The following COLEC11 variants were observed in gnomAD, a reference collection of about 807,000 sequenced individuals.
COLEC11 encodes collectin-11.
In COLEC11, 20 loss-of-function variants were observed where a neutral mutation model predicts 27.3. The ratio of observed to expected loss-of-function variants is 0.73; its 90% CI spans 0.51 to 1.06. COLEC11 has a LOEUF of 1.06. Ranked by LOEUF, COLEC11 falls within the 50% of genes least tolerant of loss-of-function variation. The probability of loss-of-function intolerance (pLI) is 0.00; values close to 1 mark genes in which losing one functional copy is unlikely to be tolerated. For synonymous variants in COLEC11, 163 were observed against 154.7 expected (o/e 1.05, Z -0.40); for missense variants, 310 against 383.0 (o/e 0.81, Z 1.59).
At chr2:3,603,341 C>T (rs1299038101) in intron 1 of COLEC11, 3 of 218,438 alleles carry the variant, frequency 1.4e-5, no homozygotes, top group African/African-American at 2.3e-5. Context: ...TTTTTTGGGA[C>T]GGAGTCTCGC....
At chr2:3,605,847 G>A (rs1662646988) in intron 2 of COLEC11, 5 of 452,154 alleles carry the variant, frequency 1.1e-5, no homozygotes, top group Admixed American at 6.9e-5. Flanking sequence ...CGGACAGCTC[G>A]GGGCCACCCT....
intron 4 of COLEC11, 111 bp from the exon 5 acceptor site, chr2:3,640,167 A>C: frequency 1.3e-6 from 1 of 743,386 alleles, no homozygotes; most frequent in Non-Finnish European, 2.4e-6. Flanking sequence ...TAGCAACAAG[A>C]GGGCCTGGGA....
At chr2:3,629,003 G>A (rs1312221307) in intron 3 of COLEC11, among the ~76,000 whole-genome samples, 1 of 152,200 alleles carries the variant, frequency 6.6e-6, no homozygotes, top group African/African-American at 2.4e-5. Flanking sequence ...GTTGTCGCAC[G>A]CAGCCAGCGG....
In COLEC11 at chr2:3,615,928, G is replaced by C. The variant is rs572223840; in HGVS notation, c.202+2546G>C. ...CCCCCACCTCCCTCCCGGACGGGGG[G>C]GCTGCCGGGTGGAGATGCTCCTCAC... is the stretch of plus-strand genomic sequence containing the variant. On this transcript the variant is annotated intron_variant, in intron 3 of 6. Transcript: ENST00000349077. 1.4e-3 allele frequency among the ~76,000 whole-genome samples: 137 copies of C among 96,590 alleles called. 1 individual carries two copies. The highest frequency in any genetic ancestry group is 3.1e-3 in the East Asian group (8 of 2,594). The allele number at this position is 96,590 out of a possible 152,430, so 63.4% of individuals were successfully genotyped here. A position where few individuals can be genotyped will look rare whatever the true frequency, so the allele number is the denominator to read the frequency against.
At chr2:3,608,694 AC>A (rs1318667015) in intron 2 of COLEC11, among the ~76,000 whole-genome samples, 2 of 152,322 alleles carry the variant, frequency 1.3e-5, no homozygotes, top group Admixed American at 6.5e-5. Flanking sequence ...AAACAAAAAA[AC>A]AACCCTGCCA....
At chr2:3,596,956 C>T (rs1661876586) in intron 1 of COLEC11, among the ~76,000 whole-genome samples, 1 of 152,266 alleles carries the variant, frequency 6.6e-6, no homozygotes, top group Middle Eastern at 3.2e-3. Flanking sequence ...GAGCGCCCCG[C>T]TGCAGGGCCT....
intron 3 of COLEC11, among the ~76,000 whole-genome samples, chr2:3,628,103 A>G (rs1320958254): frequency 1.3e-5 from 2 of 152,252 alleles, no homozygotes; most frequent in Non-Finnish European, 2.9e-5. Flanking sequence ...AGGTCCTAGC[A>G]TGAGACCTGA....
At chr2:3,632,467 G>A (rs940470969) in intron 3 of COLEC11, among the ~76,000 whole-genome samples, 3 of 152,184 alleles carry the variant, frequency 2.0e-5, no homozygotes, top group Admixed American at 6.5e-5. Flanking sequence ...GCTTACAGGC[G>A]GTGTCTTCCT....
In COLEC11 at chr2:3,613,368, C is replaced by T; in HGVS notation, c.188C>T (p.Pro63Leu). ...GAPGRPGRVGPTGEKGDMGDK... is the reference protein window; with the variant it reads ...GAPGRPGRVGLTGEKGDMGDK... Reference sequence around the variant, plus strand: ...CCCGGACGGCCTGGAAGAGTCGGCCCCACGGGAGAAAAAGGTACCTGCAGC... The same window carrying T: ...CCCGGACGGCCTGGAAGAGTCGGCCTCACGGGAGAAAAAGGTACCTGCAGC... Residue 63 changes from proline to leucine, a missense_variant, in exon 3 of 7, where the codon CCC (proline) becomes CTC (leucine). Transcript: ENST00000349077. 6.2e-7 allele frequency: 1 copy of T among 1,602,328 alleles called. No individual in the cohort carries two copies. Among genetic ancestry groups the T allele is most frequent in the Non-Finnish European group, 8.5e-7 (1 of 1,174,594 alleles).
At chr2:3,614,509 T>C (rs1663504182) in intron 3 of COLEC11, among the ~76,000 whole-genome samples, 1 of 152,220 alleles carries the variant, frequency 6.6e-6, no homozygotes, top group Non-Finnish European at 1.5e-5. Flanking sequence ...CCCGTACCCC[T>C]CATCCTAAGC....
At chr2:3,600,599 G>A (rs1054840707) in intron 1 of COLEC11, among the ~76,000 whole-genome samples, 5 of 152,202 alleles carry the variant, frequency 3.3e-5, no homozygotes, top group African/African-American at 1.2e-4. Flanking sequence ...TAGGAATCCT[G>A]CTTAAACCCC....
In COLEC11 at chr2:3,644,288, A is replaced by G; in HGVS notation, c.*170A>G. ...AGAAAATGGCCTATGCTTAAGAGGA[A>G]AATGAAAGTGTTCCTGGGGTGCTGT... is the stretch of plus-strand genomic sequence containing the variant. On this transcript the variant is annotated 3_prime_UTR_variant, in exon 7 of 7. Coordinates refer to ENST00000349077, the MANE Select transcript of COLEC11 (RefSeq NM_024027.5). The G allele has an allele frequency of 3.6e-6, 3 of 831,578 alleles. No individual in the cohort carries two copies. Among genetic ancestry groups the G allele is most frequent in the South Asian group, 1.4e-5 (1 of 69,872 alleles). The allele number at this position is 831,578 out of a possible 1,614,324, so 51.5% of individuals were successfully genotyped here. A position where few individuals can be genotyped will look rare whatever the true frequency, so the allele number is the denominator to read the frequency against.
At chr2:3,603,431 C>CT in intron 1 of COLEC11, 1 of 550,028 alleles carries the variant, frequency 1.8e-6, no homozygotes, top group Non-Finnish European at 3.3e-6. Flanking sequence ...GTTCTCCTGC[C>CT]TCAGCCTCCC....
intron 3 of COLEC11, chr2:3,626,132 A>G: frequency 6.5e-7 from 1 of 1,526,862 alleles, no homozygotes; most frequent in Non-Finnish European, 9.1e-7. Context: ...CTTAAGTTGG[A>G]CCCTGAGATG....
Position 3,643,533 on chromosome 2 carries a change from A to C in COLEC11, c.418A>C (p.Lys140Gln), listed in dbSNP as rs1156376711. The C allele has an allele frequency of 1.2e-6, 2 of 1,613,546 alleles. No homozygotes were observed. Among genetic ancestry groups the C allele is most frequent in the Admixed American group, 3.3e-5 (2 of 60,000 alleles). Residue 140 changes from lysine to glutamine, a missense_variant, in exon 6 of 7, where the codon AAG (lysine) becomes CAG (glutamine). Coordinates refer to ENST00000349077, the MANE Select transcript of COLEC11 (RefSeq NM_024027.5). ...GCTGACCAGCGAGCTCAAGTTCATC[A>C]AGAATGGTATGTGGCTCCCGGCGCC... Reference protein sequence around the residue: ...SQLTSELKFIKNAVAGVRETE... With the variant: ...SQLTSELKFIQNAVAGVRETE...
chr2:3,643,601 C>T (rs549832634), intron 6 of COLEC11, 62 bp downstream of exon 6: 47 of 1,594,760 alleles, frequency 2.9e-5, no homozygotes, highest in East Asian at 2.7e-4. Context: ...CTGAGCCCCC[C>T]GGCAAGGGCT....
At chr2:3,617,463 C>T in intron 3 of COLEC11, 1 of 1,324,796 alleles carries the variant, frequency 7.5e-7, no homozygotes, top group Non-Finnish European at 1.1e-6. Context: ...CTCTTTGCAT[C>T]TTACAAAGCT....
At chr2:3,603,656 A>G (rs966136597) in intron 1 of COLEC11, 2 of 1,550,946 alleles carry the variant, frequency 1.3e-6, no homozygotes, top group East Asian at 4.9e-5. Context: ...ATGAAGAAAC[A>G]AAGAGGTCAG....
chr2:3,622,147 C>G (rs186184364), intron 3 of COLEC11, among the ~76,000 whole-genome samples: 1 of 145,454 alleles, frequency 6.9e-6, no homozygotes, highest in Non-Finnish European at 1.5e-5. Context: ...CCAGCCTGGG[C>G]GACAGAATGA....
Sources: allele counts gnomAD v4.1 joint callset (sites outside exome capture counted in the v4.1 genomes callset), GRCh38; gene constraint gnomAD v4.1.1; transcripts MANE v1.5; gene names NCBI Gene and HGNC (gene_info 2026-07-23, HGNC 2026-07-21).